FAM53A: variants seen among roughly 807,000 people sequenced by gnomAD.
FAM53A encodes the protein protein FAM53A.
Under a neutral mutation model 26.6 loss-of-function variants are expected in FAM53A, and 28 were observed. The ratio of observed to expected loss-of-function variants is 1.05; its 90% confidence interval spans 0.78 to 1.45. The LOEUF (loss-of-function observed/expected upper bound fraction) is 1.45, where lower values mean the gene tolerates loss of function less well. Among genes scored for constraint, FAM53A ranks in the 40% most tolerant of loss-of-function variants. The probability of loss-of-function intolerance (pLI) is 0.00; values close to 1 mark genes in which losing one functional copy is unlikely to be tolerated. For missense variants in FAM53A, 650 were observed against 575.8 expected (o/e 1.13, Z -1.32); for synonymous variants, 290 against 253.1 (o/e 1.15, Z -1.38).
Position 1,641,177 on chromosome 4 carries a change from C to T in FAM53A, c.*116G>A. On this transcript the variant is annotated 3_prime_UTR_variant, in exon 5 of 5. Coordinates refer to ENST00000308132, the MANE Select transcript of FAM53A (RefSeq NM_001174070.3). Reference sequence around the variant, plus strand: ...CCCCGACCAGCTCACAGGAAACCTACTCTGTGCCCCAGGGCAGGTGCCGGG... The same window carrying T: ...CCCCGACCAGCTCACAGGAAACCTATTCTGTGCCCCAGGGCAGGTGCCGGG... 3 of 806,528 alleles carry T rather than the reference C, an allele frequency of 3.7e-6. No homozygotes were observed. The highest frequency in any genetic ancestry group is 5.4e-6 in the Non-Finnish European group (3 of 556,914). 50.0% of individuals were successfully genotyped at this position (806,528 alleles called of 1,614,324 possible).
chr4:1,647,936 C>G (rs187553470), intron 4 of FAM53A, among the ~76,000 whole-genome samples: 160 of 152,258 alleles, frequency 1.1e-3, no homozygotes, highest in African/African-American at 3.7e-3. Context: ...AAGCCTGGGC[C>G]TGGTGGCGCA....
the FAM53A span, among the ~76,000 whole-genome samples, chr4:1,601,810 A>G: frequency 5.7e-5 from 6 of 104,384 alleles, 3 homozygotes; most frequent in Non-Finnish European, 1.4e-4. Context: ...TGCCTGACCC[A>G]AAGTGCCCGA....
rs1336555319 is a variant in FAM53A, at chr4:1,639,890, T to G, written c.*1403A>C. 6.6e-6 allele frequency: 1 copy of G among 152,272 alleles called. No homozygotes were observed. Among genetic ancestry groups the G allele is most frequent in the Non-Finnish European group, 1.5e-5 (1 of 68,052 alleles). 9.4% of individuals were successfully genotyped at this position (152,272 alleles called of 1,614,324 possible). On this transcript the variant is annotated 3_prime_UTR_variant, in exon 5 of 5. Transcript: ENST00000308132. ...AAATTTCAAAAAAGTATTAATGTTT[T>G]CTTTTGCTATCGCAAACTCGAAACC...
chr4:1,581,305 GC>G, the FAM53A span, among the ~76,000 whole-genome samples: 1 of 152,156 alleles, frequency 6.6e-6, no homozygotes, highest in South Asian at 2.1e-4. Flanking sequence ...TGCGGCCCAG[GC>G]CCCGCCCCTC....
chr4:1,668,630 AG>A, intron 2 of FAM53A, 36 bp downstream of exon 2: 2 of 1,609,728 alleles, frequency 1.2e-6, no homozygotes, highest in Non-Finnish European at 1.7e-6. Flanking sequence ...AGCACGGGGG[AG>A]GGGCACCCAG....
intron 2 of FAM53A, among the ~76,000 whole-genome samples, chr4:1,667,372 T>C (rs1169353849): frequency 6.6e-6 from 1 of 152,102 alleles, no homozygotes; most frequent in Non-Finnish European, 1.5e-5. Context: ...AGCAAGGCAC[T>C]GAGACATCAG....
the FAM53A span, among the ~76,000 whole-genome samples, chr4:1,605,836 T>C: frequency 1.4e-4 from 22 of 152,154 alleles, no homozygotes; most frequent in Admixed American, 1.2e-3. This position sits in a 1 kb window ranked among gnomAD's most constrained non-coding sequence, Gnocchi z 5.7. Flanking sequence ...GTGGCTCTCA[T>C]GCTCCCGGCC....
intron 1 of FAM53A, among the ~76,000 whole-genome samples, chr4:1,669,485 C>T (rs1302464591): frequency 6.6e-6 from 1 of 152,194 alleles, no homozygotes; most frequent in Non-Finnish European, 1.5e-5. Context: ...TGGGCAGATC[C>T]GTCTGTACTG....
intron 4 of FAM53A, 130 bp from the exon 5 acceptor site, chr4:1,641,737 T>A: frequency 1.1e-6 from 1 of 910,554 alleles, no homozygotes; most frequent in Non-Finnish European, 1.7e-6. Flanking sequence ...AGCAGGGGCC[T>A]TGGTCCCCTG....
At chr4:1,614,295 G>C (rs961833583), downstream of FAM53A, among the ~76,000 whole-genome samples, 2 of 152,066 alleles carry the variant, frequency 1.3e-5, no homozygotes, top group South Asian at 4.2e-4. Context: ...CACGGGGCCT[G>C]CTGAGGAGCA....
chr4:1,589,080 A>G, the FAM53A span, among the ~76,000 whole-genome samples: 1 of 152,196 alleles, frequency 6.6e-6, no homozygotes, highest in Non-Finnish European at 1.5e-5. Context: ...GATGCTGTGT[A>G]AAGTTTTTCT....
At chr4:1,673,229 C>A (rs1364068249) in intron 1 of FAM53A, among the ~76,000 whole-genome samples, 3 of 152,136 alleles carry the variant, frequency 2.0e-5, no homozygotes, top group Non-Finnish European at 4.4e-5. Flanking sequence ...CAGCACGTGA[C>A]CCTGGGTCAG....
At chr4:1,665,621 G>T (rs1345122282) in intron 2 of FAM53A, among the ~76,000 whole-genome samples, 1 of 152,138 alleles carries the variant, frequency 6.6e-6, no homozygotes, top group Non-Finnish European at 1.5e-5. Flanking sequence ...AACCATCTTC[G>T]ACAGCAACAG....
At chr4:1,632,357 CCA>C (rs1472806162) in intron 1 of FAM53A, among the ~76,000 whole-genome samples, 3 of 152,000 alleles carry the variant, frequency 2.0e-5, no homozygotes, top group Non-Finnish European at 4.4e-5. Context: ...CGCCTTTGAA[CCA>C]CAGAGCGAGG....
intron 2 of FAM53A, among the ~76,000 whole-genome samples, chr4:1,668,431 C>T (rs1246711848): frequency 6.6e-6 from 1 of 152,206 alleles, no homozygotes; most frequent in South Asian, 2.1e-4. Flanking sequence ...TGAGCCACCA[C>T]GCCCAGCTGG....
chr4:1,631,006 G>A (rs1435904622), intron 1 of FAM53A, among the ~76,000 whole-genome samples: 2 of 152,174 alleles, frequency 1.3e-5, no homozygotes, highest in Non-Finnish European at 1.5e-5. Context: ...TCACACCACT[G>A]CACTCCAATC....
chr4:1,658,458 G>A (rs979777636), intron 2 of FAM53A, among the ~76,000 whole-genome samples: 4 of 152,232 alleles, frequency 2.6e-5, no homozygotes, highest in African/African-American at 9.7e-5. Flanking sequence ...AAGAACTTCA[G>A]CCAAGACCCA....
chr4:1,583,458 C>T, the FAM53A span, among the ~76,000 whole-genome samples: 2 of 152,232 alleles, frequency 1.3e-5, no homozygotes, highest in Non-Finnish European at 2.9e-5. Context: ...CTTCCCTGTG[C>T]TTGATCTGTG....
At chr4:1,574,157 T>G in the FAM53A span, 1 of 152,918 alleles carries the variant, frequency 6.5e-6, no homozygotes, top group African/African-American at 2.4e-5. Flanking sequence ...CCCCTACTGT[T>G]TCATCTTGTC....
Sources: allele counts gnomAD v4.1 joint callset (sites outside exome capture counted in the v4.1 genomes callset), GRCh38; gene constraint gnomAD v4.1.1; non-coding constraint Gnocchi (gnomAD v3.1); transcripts MANE v1.5; gene names NCBI Gene and HGNC (gene_info 2026-07-23, HGNC 2026-07-21).